The following AJAP1 variants were observed in gnomAD, a reference collection of about 807,000 sequenced individuals.
The protein encoded by AJAP1 is adherens junctions associated protein 1.
In AJAP1, 5 loss-of-function variants were observed where a neutral mutation model predicts 35.0. That is an observed-to-expected ratio of 0.14 (90% CI 0.07 to 0.30). AJAP1 has a LOEUF of 0.30. AJAP1 is among the 10% of genes least tolerant of loss of function. The pLI is 1.00. For missense variants in AJAP1, 586 were observed against 571.0 expected (o/e 1.03, Z -0.27); for synonymous variants, 284 against 249.3 (o/e 1.14, Z -1.31).
chr1:4,712,676 C>A lies in AJAP1; in HGVS notation c.806C>A (p.Pro269Gln). The A allele has an allele frequency of 6.6e-7, 1 of 1,517,922 alleles. No homozygotes were observed. Among genetic ancestry groups the A allele is most frequent in the Non-Finnish European group, 8.9e-7 (1 of 1,129,374 alleles). The allele number at this position is 1,517,922 out of a possible 1,614,324, so 94.0% of individuals were successfully genotyped here. A position where few individuals can be genotyped will look rare whatever the true frequency, so the allele number is the denominator to read the frequency against. The change falls in exon 2 of 6, where the codon CCA becomes CAA. Residue 269 changes from proline (P) to glutamine (Q), a missense_variant. Physicochemically the swap from Pro to Gln is moderately conservative, Grantham distance 76 (BLOSUM62 -1). Transcript: ENST00000378191. ...AACAACGGGGAAGTCACCCAGCCCC[C>A]AAGGATTCTGGGGGAGGCCTCAGGT... ...PSNNGEVTQP[P>Q]RILGEASGLA...
rs1638884896 is a variant in AJAP1, at chr1:4,656,474, C to CT, written c.29+1021dup. On this transcript the variant is annotated intron_variant, in intron 1 of 5. Transcript: ENST00000378191. This position sits in a 1 kb window ranked among gnomAD's most constrained non-coding sequence, Gnocchi z 5.7. Reference sequence around the variant, plus strand: ...TCTCGAGTTTGTCCACTGGGATGCACTGCGCTCCCGCGTTGGGGACGAAAA... The same window carrying CT: ...TCTCGAGTTTGTCCACTGGGATGCACTTGCGCTCCCGCGTTGGGGACGAAAA... Among the ~76,000 whole-genome samples the CT allele has an allele frequency of 6.6e-6, 1 of 152,210 alleles. No individual in the cohort carries two copies. The highest frequency in any genetic ancestry group is 6.5e-5 in the Admixed American group (1 of 15,286).
At chr1:4,778,639 T>C (rs1570233983) in intron 5 of AJAP1, among the ~76,000 whole-genome samples, 1 of 151,608 alleles carries the variant, frequency 6.6e-6, no homozygotes, top group African/African-American at 2.4e-5. Context: ...CCCCTCTCCC[T>C]CTCTCTCTCT....
chr1:4,783,467 GTGTGTATATATATATA>G lies in AJAP1; in HGVS notation c.*984_*999del, dbSNP rs1353799034. 9.6e-5 allele frequency: 3 copies of G among 31,364 alleles called. No homozygotes were observed. The highest frequency in any genetic ancestry group is 1.5e-4 in the Non-Finnish European group (3 of 19,652). The allele number at this position is 31,364 out of a possible 1,614,324, so 1.9% of individuals were successfully genotyped here. Reference sequence around the variant, plus strand: ...AAGAATGCCAAGGTTTTATATATGTGTGTGTATATATATATATATATATATATATATATATATATAT... The same window carrying G: ...AAGAATGCCAAGGTTTTATATATGTGTATATATATATATATATATATATAT... On this transcript the variant is annotated 3_prime_UTR_variant, in exon 6 of 6. Coordinates refer to ENST00000378191, the MANE Select transcript of AJAP1 (RefSeq NM_018836.4).
At chr1:4,727,387 G>A (rs528488054) in intron 2 of AJAP1, among the ~76,000 whole-genome samples, 1 of 152,340 alleles carries the variant, frequency 6.6e-6, no homozygotes, top group East Asian at 1.9e-4. Flanking sequence ...GTGGGGGACA[G>A]TGCGGAGAAA....
Position 4,655,751 on chromosome 1 carries a change from A to T in AJAP1, c.29+297A>T, listed in dbSNP as rs1451988104. Among the ~76,000 whole-genome samples the T allele has an allele frequency of 2.7e-5, 4 of 149,368 alleles. No individual in the cohort carries two copies. In the East Asian group the frequency reaches 8.1e-4, roughly 30 times the overall value. On this transcript the variant is annotated intron_variant, in intron 1 of 5. Coordinates refer to ENST00000378191, the MANE Select transcript of AJAP1 (RefSeq NM_018836.4). This position sits in a 1 kb window ranked among gnomAD's most constrained non-coding sequence, Gnocchi z 6.9. Reference sequence around the variant, plus strand: ...AGGCGCGCCCGCAGCTCTAGGAGCCAGCAGCGCAGTGTCCTGGCCGGCTGC... The same window carrying T: ...AGGCGCGCCCGCAGCTCTAGGAGCCTGCAGCGCAGTGTCCTGGCCGGCTGC...
At chr1:4,757,076 A>T (rs1181669249) in intron 2 of AJAP1, among the ~76,000 whole-genome samples, 1 of 152,150 alleles carries the variant, frequency 6.6e-6, no homozygotes, top group Non-Finnish European at 1.5e-5. Context: ...TGGGGAGGTG[A>T]TAAGGGAGCC....
At chr1:4,725,690 AAT>A (rs1435968551) in intron 2 of AJAP1, among the ~76,000 whole-genome samples, 3 of 151,912 alleles carry the variant, frequency 2.0e-5, no homozygotes, top group African/African-American at 7.3e-5. Context: ...AAACAATCAA[AAT>A]ATGTTCTCCA....
At chr1:4,697,190 G>A (rs1639883659) in intron 1 of AJAP1, among the ~76,000 whole-genome samples, 1 of 152,234 alleles carries the variant, frequency 6.6e-6, no homozygotes, top group Admixed American at 6.5e-5. Flanking sequence ...GTGGCTGTAT[G>A]TGTGCACCTG....
rs983428551 is a variant in AJAP1, at chr1:4,692,024, C to T, written c.30-19876C>T. On this transcript the variant is annotated intron_variant, in intron 1 of 5. Coordinates refer to ENST00000378191, the MANE Select transcript of AJAP1 (RefSeq NM_018836.4). The surrounding 1 kb of genome is among the most constrained non-coding windows in gnomAD (Gnocchi z 4.4). ...AGGGAGCCAAGAACAGCCTTTGCCC[C>T]AGGCCGGGTGTCCCTGAGACTGGCC... Among the ~76,000 whole-genome samples, 1 of 152,182 alleles carries T rather than the reference C, an allele frequency of 6.6e-6. No individual in the cohort carries two copies. The highest frequency in any genetic ancestry group is 2.1e-4 in the South Asian group (1 of 4,830).
At chr1:4,750,172 G>C (rs1008057102) in intron 2 of AJAP1, among the ~76,000 whole-genome samples, 5 of 152,120 alleles carry the variant, frequency 3.3e-5, no homozygotes, top group African/African-American at 1.2e-4. Flanking sequence ...CCATGTGTTT[G>C]TGTGTATGTG....
chr1:4,680,754 T>G (rs1268812193), intron 1 of AJAP1, among the ~76,000 whole-genome samples: 2 of 152,172 alleles, frequency 1.3e-5, no homozygotes, highest in Non-Finnish European at 2.9e-5. Context: ...ATGTATAAAA[T>G]TTGTTTCCAT....
intron 1 of AJAP1, among the ~76,000 whole-genome samples, chr1:4,680,615 C>A (rs1639461202): frequency 6.6e-6 from 1 of 152,180 alleles, no homozygotes; most frequent in African/African-American, 2.4e-5. Flanking sequence ...TCCATCCAGG[C>A]CACTGATGTC....
At position 4,772,129 on chromosome 1, in the gene AJAP1, A is replaced by T; in HGVS notation, c.918-151A>T. 14 of 976,858 alleles carry T rather than the reference A, an allele frequency of 1.4e-5. 1 individual carries two copies. The South Asian group carries it at 2.4e-4, about 16-fold the overall frequency. 60.5% of individuals were successfully genotyped at this position (976,858 alleles called of 1,614,324 possible). On this transcript the variant is annotated intron_variant, in intron 3 of 5. Coordinates refer to ENST00000378191, the MANE Select transcript of AJAP1 (RefSeq NM_018836.4). ...AGAGTTGATTGCTTGATTGTGGTTG[A>T]TCTTTCTGAAGAGGCTGGGAATTAC...
In AJAP1 at chr1:4,759,938, C is replaced by T. The variant is rs144791323; in HGVS notation, c.830-9915C>T. ...GAAGGCCCCTCAGCTGGTTCAAAGC[C>T]TCCCTGGCCATAGGGTGTCTCTTCC... On this transcript the variant is annotated intron_variant, in intron 2 of 5. Transcript: ENST00000378191. 3.5e-3 allele frequency among the ~76,000 whole-genome samples: 530 copies of T among 152,270 alleles called. 4 individuals carry two copies. The highest frequency in any genetic ancestry group is 0.012 in the African/African-American group (510 of 41,548).
intron 1 of AJAP1, among the ~76,000 whole-genome samples, chr1:4,702,562 G>C (rs1471736581): frequency 6.6e-6 from 1 of 152,198 alleles, no homozygotes; most frequent in Non-Finnish European, 1.5e-5. Flanking sequence ...ATCAGCTTAA[G>C]GAAAATGCCT....
At chr1:4,695,271 T>G (rs956473732) in intron 1 of AJAP1, among the ~76,000 whole-genome samples, 3 of 152,166 alleles carry the variant, frequency 2.0e-5, no homozygotes, top group Non-Finnish European at 4.4e-5. Flanking sequence ...GCTGGAGGCT[T>G]CCTGCTGCAC....
At chr1:4,658,067 C>T (rs1294870777) in intron 1 of AJAP1, among the ~76,000 whole-genome samples, 1 of 152,262 alleles carries the variant, frequency 6.6e-6, no homozygotes, top group African/African-American at 2.4e-5. Context: ...ACTCAGCAAG[C>T]AGCCCAGAGT....
chr1:4,772,143 G>A, intron 3 of AJAP1, 137 bp from the exon 4 acceptor site: 2 of 1,092,734 alleles, frequency 1.8e-6, no homozygotes, highest in Non-Finnish European at 2.6e-6. Context: ...TTCTGAAGAG[G>A]CTGGGAATTA....
chr1:4,790,856 G>A lies in AJAP1; in HGVS notation c.*8371G>A, dbSNP rs147656788. 4 of 152,254 alleles carry A rather than the reference G, an allele frequency of 2.6e-5. No individual in the cohort carries two copies. In the East Asian group the frequency reaches 7.7e-4, roughly 29 times the overall value. The allele number at this position is 152,254 out of a possible 1,614,324, so 9.4% of individuals were successfully genotyped here. A position where few individuals can be genotyped will look rare whatever the true frequency, so the allele number is the denominator to read the frequency against. ...GTGTCGATATGAAACATTGAGATTTGGCAGAAACATGTGCCTAGTTTGCAG... is the reference window on the plus strand; with the variant it reads ...GTGTCGATATGAAACATTGAGATTTAGCAGAAACATGTGCCTAGTTTGCAG... On this transcript the variant is annotated 3_prime_UTR_variant, in exon 6 of 6. Transcript: ENST00000378191.
Sources: gnomAD v4.1 joint callset for allele counts (sites outside exome capture counted in the v4.1 genomes callset) on GRCh38, gnomAD v4.1.1 for gene constraint, Gnocchi (gnomAD v3.1) non-coding constraint, MANE v1.5 for transcripts, NCBI Gene and HGNC (gene_info 2026-07-23, HGNC 2026-07-21) for gene names.